The following STAT4 variants were observed in gnomAD, a reference collection of about 807,000 sequenced individuals.
STAT4 encodes signal transducer and activator of transcription 4.
In STAT4, 42 loss-of-function variants were observed where a neutral mutation model predicts 110.5. That is an observed-to-expected ratio of 0.38 (90% CI 0.30 to 0.49). The LOEUF is 0.49. Among genes scored for constraint, STAT4 ranks in the 20% least tolerant of loss-of-function variants. The pLI, the probability that STAT4 is intolerant of heterozygous loss-of-function variation, is 0.95. For missense variants in STAT4, 632 were observed against 887.9 expected (o/e 0.71, Z 3.66); for synonymous variants, 284 against 302.2 (o/e 0.94, Z 0.63).
intron 3 of STAT4, chr2:191,132,004 C>T: frequency 8.3e-7 from 1 of 1,202,132 alleles, no homozygotes; most frequent in African/African-American, 1.6e-5. Context: ...ACACGCCATT[C>T]ATTCCACACT....
intron 5 of STAT4, among the ~76,000 whole-genome samples, chr2:191,072,322 G>C (rs1289861746): frequency 6.6e-6 from 1 of 152,146 alleles, no homozygotes; most frequent in Non-Finnish European, 1.5e-5. Flanking sequence ...AGAGTGAGTA[G>C]AGCCATTGGT....
At position 191,083,525 on chromosome 2, in the gene STAT4, A is replaced by G. The variant is rs1336650298; in HGVS notation, c.274-7200T>C. On this transcript the variant is annotated intron_variant, in intron 3 of 23. Transcript: ENST00000392320. This position sits in a 1 kb window ranked among gnomAD's most constrained non-coding sequence, Gnocchi z 4.6. Reference sequence around the variant, plus strand: ...CTAACCCCAATTTGAGAACTTTTTGACTTCTCATTTTTTTAACTACCTACA... The same window carrying G: ...CTAACCCCAATTTGAGAACTTTTTGGCTTCTCATTTTTTTAACTACCTACA... Among the ~76,000 whole-genome samples, 1 of 152,084 alleles carries G rather than the reference A, an allele frequency of 6.6e-6. No homozygotes were observed.
chr2:191,067,218 A>G (rs959521137), intron 6 of STAT4, among the ~76,000 whole-genome samples: 3 of 152,070 alleles, frequency 2.0e-5, no homozygotes, highest in Admixed American at 6.6e-5. Flanking sequence ...TGAACATTAA[A>G]CTTTATTGAC....
At position 191,033,784 on chromosome 2, in the gene STAT4, T is replaced by C; in HGVS notation, c.1715+127A>G. The C allele has an allele frequency of 7.5e-7, 1 of 1,335,790 alleles. No homozygotes were observed. The highest frequency in any genetic ancestry group is 1.0e-6 in the Non-Finnish European group (1 of 976,940). 82.7% of individuals were successfully genotyped at this position (1,335,790 alleles called of 1,614,324 possible). On this transcript the variant is annotated intron_variant, in intron 19 of 23. Coordinates refer to ENST00000392320, the MANE Select transcript of STAT4 (RefSeq NM_003151.4). This position sits in a 1 kb window ranked among gnomAD's most constrained non-coding sequence, Gnocchi z 6.9. ...ATACATAGTGCCACTCCACAAAGAA[T>C]AAGAAATTGCAACTATTTTTTTCTG...
Position 191,146,998 on chromosome 2 carries a change from G to C in STAT4, c.129-241C>G, listed in dbSNP as rs79703047. On this transcript the variant is annotated intron_variant, in intron 2 of 23. Transcript: ENST00000392320. This position sits in a 1 kb window ranked among gnomAD's most constrained non-coding sequence, Gnocchi z 4.5. ...AGGGTGGCTATTATAAAAAGGAAAA[G>C]AAAAAACAGAAAATGAGTGTTGGTG... 6.6e-6 allele frequency among the ~76,000 whole-genome samples: 1 copy of C among 152,224 alleles called. No homozygotes were observed. The highest frequency in any genetic ancestry group is 1.9e-4 in the East Asian group (1 of 5,184).
In STAT4 at chr2:191,142,320, T is replaced by C. The variant is rs1184270079; in HGVS notation, c.273+4293A>G. Among the ~76,000 whole-genome samples the C allele has an allele frequency of 6.6e-6, 1 of 152,088 alleles. No individual in the cohort carries two copies. The highest frequency in any genetic ancestry group is 1.5e-5 in the Non-Finnish European group (1 of 68,010). On this transcript the variant is annotated intron_variant, in intron 3 of 23. Coordinates refer to ENST00000392320, the MANE Select transcript of STAT4 (RefSeq NM_003151.4). This position sits in a 1 kb window ranked among gnomAD's most constrained non-coding sequence, Gnocchi z 4.1. ...ATGTCATTTGCAGCAACACGGATCG[T>C]ACAAGATGTCATTATGTTAAATAAA...
intron 5 of STAT4, among the ~76,000 whole-genome samples, chr2:191,070,016 A>G (rs553885474): frequency 2.6e-5 from 4 of 152,244 alleles, no homozygotes; most frequent in African/African-American, 7.2e-5. Flanking sequence ...TTCAGCATCT[A>G]CCTGCTCATT....
intron 14 of STAT4, 86 bp from the exon 15 acceptor site, chr2:191,041,234 T>A (rs979734767): frequency 2.5e-5 from 14 of 566,864 alleles, no homozygotes; most frequent in East Asian, 4.7e-5. Flanking sequence ...ATTAATATAT[T>A]TATTAATAAA....
intron 3 of STAT4, among the ~76,000 whole-genome samples, chr2:191,130,226 T>C (rs1356364574): frequency 1.4e-5 from 2 of 145,824 alleles, no homozygotes; most frequent in African/African-American, 5.4e-5. Flanking sequence ...CTCCCTTTTT[T>C]TTTTTTTTTT....
At chr2:191,038,935 C>A (rs755570184) in intron 16 of STAT4, among the ~76,000 whole-genome samples, 39 of 152,244 alleles carry the variant, frequency 2.6e-4, no homozygotes, top group Non-Finnish European at 4.6e-4. Context: ...CTCTCTGGTA[C>A]GCACATAGTT....
At position 191,039,380 on chromosome 2, in the gene STAT4, G is replaced by C. The variant is rs1056145824; in HGVS notation, c.1336-83C>G. 19 of 1,235,682 alleles carry C rather than the reference G, an allele frequency of 1.5e-5. No individual in the cohort carries two copies. The African/African-American group carries it at 2.8e-4, about 18-fold the overall frequency. 76.5% of individuals were successfully genotyped at this position (1,235,682 alleles called of 1,614,324 possible). A position where few individuals can be genotyped will look rare whatever the true frequency, so the allele number is the denominator to read the frequency against. ...TATGCTTGACCCTCGCCTCTAAAGGGCCAATCTCAAGCCAGCCCCACACCT... is the reference window on the plus strand; with the variant it reads ...TATGCTTGACCCTCGCCTCTAAAGGCCCAATCTCAAGCCAGCCCCACACCT... On this transcript the variant is annotated intron_variant, in intron 15 of 23. Transcript: ENST00000392320. This position sits in a 1 kb window ranked among gnomAD's most constrained non-coding sequence, Gnocchi z 4.7.
At chr2:191,130,220 CTTTTT>C (rs34523590) in intron 3 of STAT4, among the ~76,000 whole-genome samples, 1,747 of 115,786 alleles carry the variant, frequency 0.015, 34 homozygotes, top group African/African-American at 0.046. Context: ...GTCTATCTCC[CTTTTT>C]TTTTTTTTTT....
chr2:191,065,758 C>G (rs1011547122), intron 7 of STAT4, among the ~76,000 whole-genome samples: 1 of 151,786 alleles, frequency 6.6e-6, no homozygotes, highest in Non-Finnish European at 1.5e-5. Flanking sequence ...TTGTGCTCAC[C>G]CAAATTCCTG....
At chr2:191,057,911 A>G in intron 13 of STAT4, 107 bp downstream of exon 13, 1 of 1,085,672 alleles carries the variant, frequency 9.2e-7, no homozygotes. Flanking sequence ...TCCTAATTTC[A>G]AATAAGAAAT....
chr2:191,046,558 T>C lies in STAT4; in HGVS notation c.1252-5410A>G, dbSNP rs1211693006. Among the ~76,000 whole-genome samples the C allele has an allele frequency of 6.6e-6, 1 of 152,110 alleles. No homozygotes were observed. The highest frequency in any genetic ancestry group is 2.4e-5 in the African/African-American group (1 of 41,410). On this transcript the variant is annotated intron_variant, in intron 14 of 23. Coordinates refer to ENST00000392320, the MANE Select transcript of STAT4 (RefSeq NM_003151.4). This position sits in a 1 kb window ranked among gnomAD's most constrained non-coding sequence, Gnocchi z 4.6. ...GTCTTCTGGGCTAAGAATTCTGGGG[T>C]CCTGGATTCTGGGTGAGCACATTGC...
At chr2:191,115,387 A>G (rs1018930651) in intron 3 of STAT4, among the ~76,000 whole-genome samples, 6 of 152,338 alleles carry the variant, frequency 3.9e-5, no homozygotes, top group African/African-American at 1.4e-4. Context: ...GAATGGATCC[A>G]ATGAAATAAA....
chr2:191,144,584 G>A lies in STAT4; in HGVS notation c.273+2029C>T, dbSNP rs7596818. ...GATGAGTTTGTGCTCGAGCTGAAGC[G>A]TGACTGGGGGTAACTGCAGGTTTTT... On this transcript the variant is annotated intron_variant, in intron 3 of 23. Coordinates refer to ENST00000392320, the MANE Select transcript of STAT4 (RefSeq NM_003151.4). This position sits in a 1 kb window ranked among gnomAD's most constrained non-coding sequence, Gnocchi z 4.7. Among the ~76,000 whole-genome samples the A allele has an allele frequency of 0.13, 19,850 of 149,554 alleles. 1,632 individuals carry two copies. The highest frequency in any genetic ancestry group is 0.24 in the East Asian group (1,169 of 4,872).
intron 8 of STAT4, 50 bp downstream of exon 8, chr2:191,064,757 T>C (rs749941179): frequency 3.2e-6 from 5 of 1,580,116 alleles, no homozygotes; most frequent in Non-Finnish European, 4.3e-6. Flanking sequence ...GACACTGAAG[T>C]TTTGTGTTTC....
intron 13 of STAT4, among the ~76,000 whole-genome samples, chr2:191,055,386 T>C (rs1696655231): frequency 6.9e-6 from 1 of 144,778 alleles, no homozygotes; most frequent in Admixed American, 6.9e-5. Context: ...TTTTTTTTTT[T>C]TTTTTTGTAT....
Sources: allele counts gnomAD v4.1 joint callset (sites outside exome capture counted in the v4.1 genomes callset), GRCh38; gene constraint gnomAD v4.1.1; non-coding constraint Gnocchi (gnomAD v3.1); transcripts MANE v1.5; gene names NCBI Gene and HGNC (gene_info 2026-07-23, HGNC 2026-07-21).